Variants in RMDN2 observed in about 807,000 individuals in gnomAD.
RMDN2 encodes regulator of microtubule dynamics protein 2.
RMDN2 carries 61 observed loss-of-function variants against 52.8 expected under a neutral mutation model. The ratio of observed to expected loss-of-function variants is 1.16; its 90% CI spans 0.94 to 1.43. The LOEUF is 1.43. Among genes scored for constraint, RMDN2 ranks in the 40% most tolerant of loss-of-function variants. The pLI is 0.00. For missense variants in RMDN2, 592 were observed against 475.3 expected (o/e 1.25, Z -2.28); for synonymous variants, 180 against 153.1 (o/e 1.18, Z -1.30).
intron 10 of RMDN2, among the ~76,000 whole-genome samples, chr2:38,028,460 TTC>T (rs1363736262): frequency 6.6e-6 from 1 of 152,244 alleles, no homozygotes; most frequent in Non-Finnish European, 1.5e-5. Flanking sequence ...ATATTGTTTT[TTC>T]CACTAACACA....
intron 2 of RMDN2, chr2:37,963,145 A>T (rs1343174317): frequency 2.0e-5 from 3 of 152,294 alleles, no homozygotes; most frequent in Admixed American, 6.5e-5. Context: ...GTTCCTAGTC[A>T]GCCATCTTGC....
rs1338148990 is a variant in RMDN2, at chr2:38,017,427, C to T, written c.*188C>T. The T allele has an allele frequency of 6.4e-6, 8 of 1,259,334 alleles. No homozygotes were observed. In the East Asian group the frequency reaches 2.4e-4, roughly 38 times the overall value. The allele number at this position is 1,259,334 out of a possible 1,614,324, so 78.0% of individuals were successfully genotyped here. On this transcript the variant is annotated 3_prime_UTR_variant, in exon 11 of 11. Coordinates refer to ENST00000354545, the MANE Select transcript of RMDN2 (RefSeq NM_001170791.3). ...AAATTAATTATGTTATTTGGAGAATCTATATACTATAATGTCAATACATAA... is the reference window on the plus strand; with the variant it reads ...AAATTAATTATGTTATTTGGAGAATTTATATACTATAATGTCAATACATAA...
intron 6 of RMDN2, among the ~76,000 whole-genome samples, chr2:37,990,015 C>T (rs905855880): frequency 2.0e-5 from 3 of 151,546 alleles, no homozygotes; most frequent in Non-Finnish European, 2.9e-5. Flanking sequence ...TGGTGGCGGG[C>T]GCCTATAGTC....
chr2:38,018,360 C>A (rs1212315141), downstream of RMDN2, among the ~76,000 whole-genome samples: 1 of 152,104 alleles, frequency 6.6e-6, no homozygotes, highest in Admixed American at 6.5e-5. Flanking sequence ...TTGGCACAAA[C>A]CTTTGGTAAA....
intron 10 of RMDN2, among the ~76,000 whole-genome samples, chr2:38,064,852 A>G (rs1682205014): frequency 6.6e-6 from 1 of 152,162 alleles, no homozygotes; most frequent in Non-Finnish European, 1.5e-5. Context: ...AGGTCATGCC[A>G]TGTGTTGGTG....
At chr2:37,970,086 C>G (rs1298779977) in intron 2 of RMDN2, among the ~76,000 whole-genome samples, 1 of 152,136 alleles carries the variant, frequency 6.6e-6, no homozygotes, top group East Asian at 1.9e-4. Context: ...GTGTGGGCCA[C>G]TAAACCCAGC....
intron 4 of RMDN2, among the ~76,000 whole-genome samples, chr2:37,978,521 C>T (rs575469509): frequency 6.6e-6 from 1 of 152,028 alleles, no homozygotes; most frequent in Non-Finnish European, 1.5e-5. Context: ...TGGAAATAAG[C>T]TCTTATTAAA....
chr2:38,006,819 C>G (rs1677161043), intron 10 of RMDN2, among the ~76,000 whole-genome samples: 1 of 152,206 alleles, frequency 6.6e-6, no homozygotes, highest in Admixed American at 6.5e-5. Context: ...TTTGCCCATT[C>G]CGTACGATAC....
chr2:37,926,381 T>G (rs1666278634), intron 1 of RMDN2, among the ~76,000 whole-genome samples: 1 of 152,196 alleles, frequency 6.6e-6, no homozygotes, highest in Non-Finnish European at 1.5e-5. Flanking sequence ...TTCTTTAGAG[T>G]CAACATTTTG....
chr2:37,977,239 ACTT>A, intron 4 of RMDN2, among the ~76,000 whole-genome samples: 1 of 152,354 alleles, frequency 6.6e-6, no homozygotes, highest in South Asian at 2.1e-4. Flanking sequence ...TCCTATGTCT[ACTT>A]CTTTCTACAC....
At chr2:37,983,029 C>G in intron 5 of RMDN2, among the ~76,000 whole-genome samples, 1 of 151,968 alleles carries the variant, frequency 6.6e-6, no homozygotes, top group East Asian at 1.9e-4. Context: ...CCTCCTCCTC[C>G]CCTACTCTTC....
chr2:37,997,173 A>C (rs898653140), intron 7 of RMDN2, among the ~76,000 whole-genome samples: 2 of 152,196 alleles, frequency 1.3e-5, no homozygotes, highest in African/African-American at 4.8e-5. Context: ...TTTTGAAACC[A>C]GTGCTTCTGG....
chr2:38,047,238 G>A (rs1221192620), intron 10 of RMDN2, among the ~76,000 whole-genome samples: 3 of 152,086 alleles, frequency 2.0e-5, no homozygotes, highest in African/African-American at 7.2e-5. Flanking sequence ...TACACATGAA[G>A]AAATAAATAA....
intron 10 of RMDN2, among the ~76,000 whole-genome samples, chr2:38,042,618 T>C (rs1457250988): frequency 1.3e-5 from 2 of 152,166 alleles, no homozygotes; most frequent in East Asian, 3.8e-4. Flanking sequence ...TCTTTATTCT[T>C]TTGCAATATA....
At chr2:37,932,379 G>A (rs941703034) in intron 2 of RMDN2, among the ~76,000 whole-genome samples, 1 of 151,820 alleles carries the variant, frequency 6.6e-6, no homozygotes, top group African/African-American at 2.4e-5. Flanking sequence ...AGGGTTGGGG[G>A]TAAGGTCACA....
intron 2 of RMDN2, among the ~76,000 whole-genome samples, chr2:37,932,640 C>T (rs1167209613): frequency 4.4e-4 from 66 of 150,882 alleles, no homozygotes; most frequent in Non-Finnish European, 6.2e-4. Flanking sequence ...TAGGGGCGGC[C>T]GGGCAGAGGC....
chr2:37,945,436 T>A (rs1372868333), intron 2 of RMDN2, among the ~76,000 whole-genome samples: 1 of 152,194 alleles, frequency 6.6e-6, no homozygotes, highest in Admixed American at 6.5e-5. Flanking sequence ...CATCTTCCTG[T>A]GCCTTCTTCA....
At chr2:37,949,799 A>G (rs998487059) in intron 2 of RMDN2, 1 of 152,476 alleles carries the variant, frequency 6.6e-6, no homozygotes, top group African/African-American at 2.4e-5. Context: ...AAGTATACAC[A>G]TACACGTATA....
At chr2:38,022,590 T>A (rs1022147239), downstream of RMDN2, among the ~76,000 whole-genome samples, 3 of 152,200 alleles carry the variant, frequency 2.0e-5, no homozygotes, top group African/African-American at 7.2e-5. Flanking sequence ...AGAATCAAAC[T>A]GTATGTTGCA....
Sources: allele counts gnomAD v4.1 joint callset (sites outside exome capture counted in the v4.1 genomes callset), GRCh38; gene constraint gnomAD v4.1.1; transcripts MANE v1.5; gene names NCBI Gene and HGNC (gene_info 2026-07-23, HGNC 2026-07-21).